Variants in KCNG1 observed in about 807,000 individuals in gnomAD.
KCNG1 encodes the protein voltage-gated potassium channel regulatory subunit KCNG1.
KCNG1 carries 17 observed loss-of-function variants against 32.4 expected under a neutral mutation model. The observed-to-expected ratio is 0.52, with a 90% CI of 0.36 to 0.79. The LOEUF is 0.79. Among genes scored for constraint, KCNG1 ranks in the 30% least tolerant of loss-of-function variants. KCNG1 has a pLI of 0.00. For synonymous variants in KCNG1, 358 were observed against 339.9 expected (o/e 1.05, Z -0.59); for missense variants, 441 against 735.2 (o/e 0.60, Z 4.63).
chr20:51,021,265 A>C (rs1232403256), intron 1 of KCNG1, among the ~76,000 whole-genome samples: 1 of 152,208 alleles, frequency 6.6e-6, no homozygotes, highest in South Asian at 2.1e-4. Flanking sequence ...CCCAGGGGCC[A>C]GCGCTTGCCT....
At chr20:51,021,850 TCCTCC>T (rs1245353658) in intron 1 of KCNG1, among the ~76,000 whole-genome samples, 1 of 152,030 alleles carries the variant, frequency 6.6e-6, no homozygotes, top group African/African-American at 2.4e-5. Flanking sequence ...GTTTCTCAAC[TCCTCC>T]CCACCCTACC....
chr20:51,007,340 C>T lies in KCNG1; in HGVS notation c.774+2225G>A, dbSNP rs575844864. 2.9e-3 allele frequency: 443 copies of T among 152,234 alleles called. 1 individual carries two copies. The highest frequency in any genetic ancestry group is 5.0e-3 in the Non-Finnish European group (342 of 68,062). The allele number at this position is 152,234 out of a possible 1,614,324, so 9.4% of individuals were successfully genotyped here. ...AGCTAGGATTACAAGCGAGTGCCAA[C>T]ATGCCCAGCTAATTTTTGTATTTTT... On this transcript the variant is annotated intron_variant, in intron 2 of 2. Coordinates refer to ENST00000371571, the MANE Select transcript of KCNG1 (RefSeq NM_002237.4).
rs1437330674 is a variant in KCNG1 at position 51,015,581 on chromosome 20, G to A, written c.-26-5217C>T. Among the ~76,000 whole-genome samples, 1 of 152,172 alleles carries A rather than the reference G, an allele frequency of 6.6e-6. No homozygotes were observed. On this transcript the variant is annotated intron_variant, in intron 1 of 2. Coordinates refer to ENST00000371571, the MANE Select transcript of KCNG1 (RefSeq NM_002237.4). This position sits in a 1 kb window ranked among gnomAD's most constrained non-coding sequence, Gnocchi z 4.4. ...GGTGGGGGCCTCACCTGTGCCCTGT[G>A]CCCGGTAGCCACTGAAGCTGCATCA...
chr20:51,014,272 G>GTCAC (rs1236459756), intron 1 of KCNG1, among the ~76,000 whole-genome samples: 1 of 152,236 alleles, frequency 6.6e-6, no homozygotes, highest in Non-Finnish European at 1.5e-5. Context: ...CTGATCTGAT[G>GTCAC]TGAGATGGAC....
intron 1 of KCNG1, among the ~76,000 whole-genome samples, chr20:51,016,135 A>G (rs906608277): frequency 1.1e-4 from 16 of 152,180 alleles, no homozygotes; most frequent in African/African-American, 3.9e-4. Flanking sequence ...TGACAGTTGC[A>G]ATAGGAAATG....
intron 1 of KCNG1, among the ~76,000 whole-genome samples, chr20:51,011,030 C>T (rs938869351): frequency 2.0e-5 from 3 of 152,076 alleles, no homozygotes; most frequent in Non-Finnish European, 2.9e-5. Context: ...GTGCTGCTGG[C>T]GCCCTGCTCT....
Position 51,004,583 on chromosome 20 carries a change from C to T in KCNG1, c.998G>A (p.Ser333Asn). ...CACCAGCCCCACCTTGTCCAGGTAG[C>T]TGTTGCCCGCGCCGGGCTTGCGACG... ...AGRRKPGAGN[S>N]YLDKVGLVLR... Residue 333 changes from serine (S) to asparagine (N), a missense_variant, in exon 3 of 3, where the codon AGC becomes AAC. Physicochemically the swap from Ser to Asn is conservative, Grantham distance 46. This residue lies in a region of KCNG1 where 169 missense variants were observed against 297.7 expected (regional missense o/e 0.57). Transcript: ENST00000371571. The surrounding 1 kb of genome is among the most constrained non-coding windows in gnomAD (Gnocchi z 4.3). 6.3e-7 allele frequency: 1 copy of T among 1,578,816 alleles called. No individual in the cohort carries two copies. The highest frequency in any genetic ancestry group is 1.1e-5 in the South Asian group (1 of 87,358).
At position 51,004,787 on chromosome 20, in the gene KCNG1, C is replaced by T; in HGVS notation, c.794G>A (p.Cys265Tyr). The stretch of plus-strand genomic sequence containing the variant: ...CGACTCCACGATGAAGACGTTGTGG[C>T]ACATCTGGGAACAGTGGCCCTGGGA... ...EEEQGHCSQM[C>Y]HNVFIVESVC... is the part of the protein sequence containing the mutation. The change falls in exon 3 of 3, where the codon TGC (cysteine) becomes TAC (tyrosine). Residue 265 changes from cysteine to tyrosine, a missense_variant. Transcript: ENST00000371571. The surrounding 1 kb of genome is among the most constrained non-coding windows in gnomAD (Gnocchi z 4.3). 1 of 1,575,810 alleles carries T rather than the reference C, an allele frequency of 6.3e-7. No homozygotes were observed. Among genetic ancestry groups the T allele is most frequent in the East Asian group, 2.3e-5 (1 of 43,858 alleles).
chr20:51,017,421 G>A (rs1044176070), intron 1 of KCNG1, among the ~76,000 whole-genome samples: 1 of 152,226 alleles, frequency 6.6e-6, no homozygotes. Flanking sequence ...GAGGGTGCCT[G>A]GAAGGGCAGA....
At position 51,020,148 on chromosome 20, in the gene KCNG1, G is replaced by A. The variant is rs118183386; in HGVS notation, c.-27+2722C>T. 1.4e-3 allele frequency among the ~76,000 whole-genome samples: 210 copies of A among 152,308 alleles called. 1 individual carries two copies. The East Asian group carries it at 0.019, about 14-fold the overall frequency. On this transcript the variant is annotated intron_variant, in intron 1 of 2. Coordinates refer to ENST00000371571, the MANE Select transcript of KCNG1 (RefSeq NM_002237.4). ...CCCTATAAAAAAGACAGGCTGCCTC[G>A]GGAGCCTCCCTGCTGTGCTGCAGGC...
chr20:51,010,574 C>T (rs1988043766), intron 1 of KCNG1, among the ~76,000 whole-genome samples: 1 of 152,206 alleles, frequency 6.6e-6, no homozygotes, highest in African/African-American at 2.4e-5. Context: ...AGCAACGCCC[C>T]CACGATGGGA....
intron 1 of KCNG1, among the ~76,000 whole-genome samples, chr20:51,012,789 A>G (rs1032047848): frequency 1.3e-5 from 2 of 152,248 alleles, no homozygotes; most frequent in Non-Finnish European, 2.9e-5. Context: ...ACGCCAACTG[A>G]GAAATGGCTA....
In KCNG1 at chr20:51,015,586, G is replaced by T. The variant is rs1041618759; in HGVS notation, c.-26-5222C>A. ...GGGCCTCACCTGTGCCCTGTGCCCG[G>T]TAGCCACTGAAGCTGCATCACATCA... On this transcript the variant is annotated intron_variant, in intron 1 of 2. Transcript: ENST00000371571. This position sits in a 1 kb window ranked among gnomAD's most constrained non-coding sequence, Gnocchi z 4.4. Among the ~76,000 whole-genome samples, 15 of 152,198 alleles carry T rather than the reference G, an allele frequency of 9.9e-5. No homozygotes were observed. The highest frequency in any genetic ancestry group is 2.1e-4 in the Non-Finnish European group (14 of 68,030).
At position 51,009,655 on chromosome 20, in the gene KCNG1, C is replaced by A; in HGVS notation, c.684G>T (p.Val228=). 6.2e-7 allele frequency: 1 copy of A among 1,604,708 alleles called. No individual in the cohort carries two copies. Among genetic ancestry groups the A allele is most frequent in the South Asian group, 1.1e-5 (1 of 90,580 alleles). Residue 228 remains valine, a synonymous_variant, in exon 2 of 3, where the codon GTG becomes GTT. Transcript: ENST00000371571. Reference sequence around the variant, plus strand: ...CGAAGAGCACCGACAGGCAGGCGAACACCTTGCCAGGCAGCCCCGAGTGCG... The same window carrying A: ...CGAAGAGCACCGACAGGCAGGCGAAAACCTTGCCAGGCAGCCCCGAGTGCG... The part of the protein sequence containing the change: ...ERPHSGLPGK[V]FACLSVLFVT...
At chr20:51,020,787 G>C (rs1988452510) in intron 1 of KCNG1, among the ~76,000 whole-genome samples, 2 of 152,142 alleles carry the variant, frequency 1.3e-5, no homozygotes, top group South Asian at 4.1e-4. Flanking sequence ...GAGTTCCTCG[G>C]AGCTGGTTTG....
chr20:51,016,295 G>T lies in KCNG1; in HGVS notation c.-26-5931C>A, dbSNP rs563987619. On this transcript the variant is annotated intron_variant, in intron 1 of 2. Transcript: ENST00000371571. ...CTACTAAAAATACAAAATTAAGCTG[G>T]GCATGGTGGCAGGCACCTGTAATCC... is the stretch of plus-strand genomic sequence containing the variant. 8.5e-5 allele frequency among the ~76,000 whole-genome samples: 13 copies of T among 152,216 alleles called. No homozygotes were observed. The East Asian group carries it at 2.5e-3, about 29-fold the overall frequency.
Position 51,003,692 on chromosome 20 carries a change from C to G in KCNG1, c.*347G>C. 6.1e-6 allele frequency: 1 copy of G among 163,866 alleles called. No individual in the cohort carries two copies. The highest frequency in any genetic ancestry group is 1.3e-5 in the Non-Finnish European group (1 of 79,276). 10.2% of individuals were successfully genotyped at this position (163,866 alleles called of 1,614,324 possible). On this transcript the variant is annotated 3_prime_UTR_variant, in exon 3 of 3. Transcript: ENST00000371571. ...CTGTTTGTATTTTTTTTTTTTTTCT[C>G]CAGGCAGACCCATAAAGCAAGTTTT... is the stretch of plus-strand genomic sequence containing the variant.
intron 1 of KCNG1, among the ~76,000 whole-genome samples, chr20:51,011,654 T>G (rs1392371342): frequency 6.6e-6 from 1 of 152,238 alleles, no homozygotes; most frequent in African/African-American, 2.4e-5. Flanking sequence ...TGACTCAACC[T>G]TGATGTGTCT....
At position 51,010,196 on chromosome 20, in the gene KCNG1, G is replaced by A. The variant is rs919816936; in HGVS notation, c.143C>T (p.Pro48Leu). ...ACAGCCCTGGCGGGGCTCATCCTGC[G>A]GCCGCAGCCGCTGCGCCCGGCGGTA... ...AFYRRAQRLR[P>L]QDEPRQGCQP... Residue 48 changes from proline to leucine, a missense_variant, in exon 2 of 3, where the codon CCG becomes CTG. Coordinates refer to ENST00000371571, the MANE Select transcript of KCNG1 (RefSeq NM_002237.4). 1.6e-5 allele frequency: 25 copies of A among 1,594,522 alleles called. No individual in the cohort carries two copies. The highest frequency in any genetic ancestry group is 2.1e-5 in the Non-Finnish European group (25 of 1,171,564).
Sources: allele counts gnomAD v4.1 joint callset (sites outside exome capture counted in the v4.1 genomes callset), GRCh38; gene constraint gnomAD v4.1.1; regional missense constraint gnomAD v4.1.1; non-coding constraint Gnocchi (gnomAD v3.1); transcripts MANE v1.5; gene names NCBI Gene and HGNC (gene_info 2026-07-23, HGNC 2026-07-21).